The following CDH2 variants were observed in gnomAD, a reference collection of about 807,000 sequenced individuals.
CDH2 encodes the protein cadherin 2, also known as cadherin-2.
In CDH2, 17 loss-of-function variants were observed where a neutral mutation model predicts 92.0. The ratio of observed to expected loss-of-function variants is 0.18; its 90% CI spans 0.13 to 0.28. CDH2 has a LOEUF of 0.28. Ranked by LOEUF, CDH2 falls within the 10% of genes least tolerant of loss-of-function variation. The probability of loss-of-function intolerance (pLI) is 1.00; values close to 1 mark genes in which losing one functional copy is unlikely to be tolerated. For missense variants in CDH2, 862 were observed against 1,133.1 expected, an observed-to-expected ratio of 0.76 and a Z score of 3.44; for synonymous variants, 419 against 415.9, an observed-to-expected ratio of 1.01 and a Z score of -0.09.
chr18:28,174,561 A>G (rs2016509595), intron 1 of CDH2, among the ~76,000 whole-genome samples: 1 of 152,246 alleles, frequency 6.6e-6, no homozygotes, highest in African/African-American at 2.4e-5. Context: ...GGTTTAAAAA[A>G]GTCAACATTG....
intron 5 of CDH2, among the ~76,000 whole-genome samples, chr18:28,009,334 T>G (rs1283295707): frequency 6.6e-6 from 1 of 152,194 alleles, no homozygotes; most frequent in Non-Finnish European, 1.5e-5. Flanking sequence ...GGATTCACTT[T>G]GATTAGAATA....
intron 2 of CDH2, among the ~76,000 whole-genome samples, chr18:28,054,161 C>T (rs2014246944): frequency 6.6e-6 from 1 of 152,128 alleles, no homozygotes; most frequent in Non-Finnish European, 1.5e-5. Flanking sequence ...GGTAAGGTTA[C>T]TAGAATACAA....
At chr18:27,952,970 A>G (rs1248393579) in intron 15 of CDH2, among the ~76,000 whole-genome samples, 2 of 152,178 alleles carry the variant, frequency 1.3e-5, no homozygotes, top group East Asian at 3.8e-4. Flanking sequence ...TCATTTTGGA[A>G]GGACATCAAA....
At chr18:27,982,325 T>C (rs1259221071) in intron 14 of CDH2, among the ~76,000 whole-genome samples, 1 of 152,168 alleles carries the variant, frequency 6.6e-6, no homozygotes, top group Non-Finnish European at 1.5e-5. Flanking sequence ...CATAGTGATA[T>C]AGGTTCACAT....
chr18:28,054,415 CAG>C (rs1345349053), intron 2 of CDH2, among the ~76,000 whole-genome samples: 1 of 152,122 alleles, frequency 6.6e-6, no homozygotes, highest in Non-Finnish European at 1.5e-5. Flanking sequence ...GTTTGGAACA[CAG>C]AGGCTAAAAG....
chr18:28,063,674 A>ACC (rs949272212), intron 2 of CDH2, among the ~76,000 whole-genome samples: 7 of 152,218 alleles, frequency 4.6e-5, no homozygotes, highest in African/African-American at 1.7e-4. Flanking sequence ...TGAAGTTTGA[A>ACC]CCCGGTAATG....
chr18:28,000,787 A>G lies in CDH2; in HGVS notation c.1020+2210T>C, dbSNP rs1213005276. On this transcript the variant is annotated intron_variant, in intron 7 of 15. Transcript: ENST00000269141. ...AAACAAAAATAAAAAGCTGAATCTC[A>G]CTAAGCATTTCAATGATTAGGAGTT... 3.3e-5 allele frequency among the ~76,000 whole-genome samples: 5 copies of G among 152,170 alleles called. No homozygotes were observed. In the East Asian group the frequency reaches 7.7e-4, roughly 23 times the overall value.
chr18:27,998,208 A>C (rs2012650313), intron 7 of CDH2, among the ~76,000 whole-genome samples: 1 of 152,210 alleles, frequency 6.6e-6, no homozygotes, highest in South Asian at 2.1e-4. Flanking sequence ...TTTTGTATAC[A>C]TATTACATGC....
intron 2 of CDH2, among the ~76,000 whole-genome samples, chr18:28,070,022 T>C (rs576959630): frequency 3.3e-5 from 5 of 152,226 alleles, no homozygotes; most frequent in South Asian, 2.1e-4. Flanking sequence ...GGCGAATCAA[T>C]AGACTAGGAA....
At chr18:28,083,215 C>T (rs932452439) in intron 2 of CDH2, among the ~76,000 whole-genome samples, 1 of 152,100 alleles carries the variant, frequency 6.6e-6, no homozygotes, top group African/African-American at 2.4e-5. Flanking sequence ...ACCAAGATTG[C>T]AGTAGTGCCT....
At chr18:27,972,461 C>T (rs1744684835) in intron 14 of CDH2, among the ~76,000 whole-genome samples, 2 of 152,132 alleles carry the variant, frequency 1.3e-5, no homozygotes, top group Admixed American at 1.3e-4. Flanking sequence ...TGAAAACGGA[C>T]TAACAGCAGT....
chr18:28,093,362 TC>T (rs1301929586), intron 2 of CDH2, among the ~76,000 whole-genome samples: 6 of 152,116 alleles, frequency 3.9e-5, no homozygotes, highest in Non-Finnish European at 2.9e-5. Context: ...TGATCCCTCA[TC>T]TCAACTAAAA....
downstream of CDH2, among the ~76,000 whole-genome samples, chr18:27,947,044 T>C (rs936441253): frequency 1.3e-5 from 2 of 151,812 alleles, no homozygotes; most frequent in African/African-American, 4.8e-5. Flanking sequence ...AAAACAATGC[T>C]TGTAATGATC....
intron 1 of CDH2, among the ~76,000 whole-genome samples, chr18:28,169,368 A>G (rs1345654154): frequency 6.6e-6 from 1 of 152,228 alleles, no homozygotes; most frequent in Non-Finnish European, 1.5e-5. Flanking sequence ...GCAACAGAAG[A>G]AAGTTAAGAA....
intron 2 of CDH2, among the ~76,000 whole-genome samples, chr18:28,095,031 T>C (rs2015107013): frequency 6.6e-6 from 1 of 152,142 alleles, no homozygotes; most frequent in Admixed American, 6.5e-5. Flanking sequence ...ATAAGGTGTC[T>C]TGACTCATAT....
chr18:28,114,623 A>T (rs1189829578), intron 2 of CDH2, among the ~76,000 whole-genome samples: 1 of 152,074 alleles, frequency 6.6e-6, no homozygotes, highest in African/African-American at 2.4e-5. Flanking sequence ...TTTGCCATGG[A>T]GCAGTCAAAG....
At chr18:28,004,134 C>T (rs186643725) in intron 6 of CDH2, among the ~76,000 whole-genome samples, 220 of 152,240 alleles carry the variant, frequency 1.4e-3, no homozygotes, top group Non-Finnish European at 2.6e-3. Context: ...TGTGTCATCC[C>T]TACACCCTTA....
intron 2 of CDH2, among the ~76,000 whole-genome samples, chr18:28,109,825 A>T: frequency 6.6e-6 from 1 of 152,230 alleles, no homozygotes; most frequent in East Asian, 1.9e-4. Context: ...GATTCTTACA[A>T]TAACAAAAAG....
At chr18:28,038,757 C>T (rs1381771621) in intron 2 of CDH2, among the ~76,000 whole-genome samples, 1 of 151,940 alleles carries the variant, frequency 6.6e-6, no homozygotes, top group Non-Finnish European at 1.5e-5. Flanking sequence ...CGTGTTTTCT[C>T]CTTATTGAAT....
Sources: gnomAD v4.1 joint callset for allele counts (sites outside exome capture counted in the v4.1 genomes callset) on GRCh38, gnomAD v4.1.1 for gene constraint, MANE v1.5 for transcripts, NCBI Gene and HGNC (gene_info 2026-07-23, HGNC 2026-07-21) for gene names.